The following GALNTL6 variants were observed in gnomAD, a reference collection of about 807,000 sequenced individuals.
GALNTL6 encodes polypeptide N-acetylgalactosaminyltransferase like 6, also known as polypeptide N-acetylgalactosaminyltransferase-like 6.
In GALNTL6, 46 loss-of-function variants were observed where a neutral mutation model predicts 73.7. The observed-to-expected ratio is 0.62, with a 90% confidence interval of 0.49 to 0.80. GALNTL6 has a LOEUF of 0.80. GALNTL6 is among the 30% of genes least tolerant of loss of function. The probability of loss-of-function intolerance (pLI) is 0.00; values close to 1 mark genes in which losing one functional copy is unlikely to be tolerated. For synonymous variants in GALNTL6, 259 were observed against 263.7 expected, an observed-to-expected ratio of 0.98 and a Z score of 0.17; for missense variants, 604 against 755.0, an observed-to-expected ratio of 0.80 and a Z score of 2.34.
At chr4:172,393,781 A>G (rs1433873128) in intron 5 of GALNTL6, among the ~76,000 whole-genome samples, 1 of 152,142 alleles carries the variant, frequency 6.6e-6, no homozygotes, top group African/African-American at 2.4e-5. Context: ...TTACTTCTGT[A>G]ATGTCTTAAT....
chr4:172,483,223 CAA>C (rs1733554465), intron 5 of GALNTL6, among the ~76,000 whole-genome samples: 1 of 151,940 alleles, frequency 6.6e-6, no homozygotes, highest in African/African-American at 2.4e-5. Context: ...ATAGAGGTTT[CAA>C]AAGAGGCAGA....
chr4:172,343,377 A>G (rs967552458), intron 4 of GALNTL6, among the ~76,000 whole-genome samples: 12 of 152,186 alleles, frequency 7.9e-5, no homozygotes, highest in African/African-American at 1.9e-4. Flanking sequence ...CCAAATGAAA[A>G]TTAACCTAAA....
At chr4:172,587,381 C>T (rs1380210632) in intron 5 of GALNTL6, among the ~76,000 whole-genome samples, 1 of 152,190 alleles carries the variant, frequency 6.6e-6, no homozygotes, top group Admixed American at 6.5e-5. Flanking sequence ...TTCATTTTGT[C>T]CTATCCTTGC....
intron 5 of GALNTL6, among the ~76,000 whole-genome samples, chr4:172,611,923 G>T (rs530318018): frequency 6.6e-6 from 1 of 152,206 alleles, no homozygotes; most frequent in East Asian, 1.9e-4. Flanking sequence ...TAAAGTGCAT[G>T]TATTTAGGTC....
chr4:172,840,392 T>C (rs1743143887), intron 7 of GALNTL6, among the ~76,000 whole-genome samples: 1 of 152,228 alleles, frequency 6.6e-6, no homozygotes, highest in Non-Finnish European at 1.5e-5. Flanking sequence ...AGCATTCCTC[T>C]TTCCCTTCCG....
chr4:172,387,882 T>A (rs531844001), intron 5 of GALNTL6, among the ~76,000 whole-genome samples: 1 of 152,266 alleles, frequency 6.6e-6, no homozygotes. Flanking sequence ...TTCTGAGACA[T>A]TTTCAAACAA....
At chr4:172,006,493 G>T (rs1178925191) in intron 2 of GALNTL6, among the ~76,000 whole-genome samples, 1 of 152,086 alleles carries the variant, frequency 6.6e-6, no homozygotes. Context: ...CCAAGGTGGT[G>T]GTGCACACCT....
intron 2 of GALNTL6, among the ~76,000 whole-genome samples, chr4:172,136,323 A>G (rs1431685611): frequency 6.6e-6 from 1 of 152,108 alleles, no homozygotes; most frequent in African/African-American, 2.4e-5. Context: ...CAAAAAAAAG[A>G]AAAACCTTAA....
At chr4:172,474,043 T>C (rs1319576092) in intron 5 of GALNTL6, among the ~76,000 whole-genome samples, 2 of 152,144 alleles carry the variant, frequency 1.3e-5, no homozygotes, top group Admixed American at 1.3e-4. Context: ...TCTACCAGTT[T>C]TTCCCCCATC....
In GALNTL6 at chr4:171,904,140, C is replaced by T. The variant is rs544473517; in HGVS notation, c.138+89422C>T. ...TCACCAGCAACAGAACAAAGCTGGA[C>T]GGAGAATGACTTTGACGAGCTGAGA... On this transcript the variant is annotated intron_variant, in intron 2 of 12. Coordinates refer to ENST00000506823, the MANE Select transcript of GALNTL6 (RefSeq NM_001034845.3). Among the ~76,000 whole-genome samples the T allele has an allele frequency of 6.8e-4, 104 of 152,294 alleles. 3 individuals carry two copies. In the East Asian group the frequency reaches 0.019, roughly 28 times the overall value.
At chr4:171,983,459 C>A (rs183288396) in intron 2 of GALNTL6, among the ~76,000 whole-genome samples, 2 of 136,628 alleles carry the variant, frequency 1.5e-5, no homozygotes, top group Non-Finnish European at 3.1e-5. Flanking sequence ...TCAGAGGCAT[C>A]TTGATTTTAT....
At chr4:172,914,575 C>CA (rs1019273048) in intron 8 of GALNTL6, among the ~76,000 whole-genome samples, 1 of 151,540 alleles carries the variant, frequency 6.6e-6, no homozygotes, top group Non-Finnish European at 1.5e-5. Flanking sequence ...AAATGGAAAA[C>CA]AAAAAAAGGC....
chr4:172,705,531 T>C, intron 5 of GALNTL6, among the ~76,000 whole-genome samples: 1 of 152,064 alleles, frequency 6.6e-6, no homozygotes, highest in East Asian at 1.9e-4. Context: ...TACATCTTTT[T>C]ATATTGCCTA....
chr4:172,439,603 T>C (rs1731757227), intron 5 of GALNTL6, among the ~76,000 whole-genome samples: 1 of 151,818 alleles, frequency 6.6e-6, no homozygotes, highest in Non-Finnish European at 1.5e-5. Context: ...TGAAATACCA[T>C]GTAAACTCAA....
At chr4:172,979,726 A>T (rs1750987620) in intron 10 of GALNTL6, among the ~76,000 whole-genome samples, 1 of 152,208 alleles carries the variant, frequency 6.6e-6, no homozygotes. Context: ...GACACCTACC[A>T]CTGGAAAGCT....
intron 2 of GALNTL6, among the ~76,000 whole-genome samples, chr4:172,181,493 A>G (rs968117207): frequency 2.6e-5 from 4 of 152,184 alleles, no homozygotes; most frequent in African/African-American, 7.2e-5. Flanking sequence ...CCAATATCAT[A>G]CTGAAGGGGC....
intron 9 of GALNTL6, among the ~76,000 whole-genome samples, chr4:172,943,237 G>C (rs745798575): frequency 6.6e-6 from 1 of 151,944 alleles, no homozygotes; most frequent in South Asian, 2.1e-4. Flanking sequence ...GGCCCATGTC[G>C]CAGAAAGCAA....
Position 172,557,167 on chromosome 4 carries a change from T to C in GALNTL6, c.553+208478T>C, listed in dbSNP as rs139259041. Among the ~76,000 whole-genome samples the C allele has an allele frequency of 3.3e-5, 5 of 152,202 alleles. No individual in the cohort carries two copies. In the East Asian group the frequency reaches 5.8e-4, roughly 18 times the overall value. Reference sequence around the variant, plus strand: ...CTATCTTAGGAGTTGTAAGGAAAAATTGCATGAGTTCAAGTTCTGGTCAAG... The same window carrying C: ...CTATCTTAGGAGTTGTAAGGAAAAACTGCATGAGTTCAAGTTCTGGTCAAG... On this transcript the variant is annotated intron_variant, in intron 5 of 12. Transcript: ENST00000506823.
chr4:172,080,709 TCTA>T (rs1346446561), intron 2 of GALNTL6, among the ~76,000 whole-genome samples: 2 of 151,840 alleles, frequency 1.3e-5, no homozygotes, highest in Non-Finnish European at 2.9e-5. Flanking sequence ...TTTTGAATTT[TCTA>T]CTGTGTTTCA....
Sources: allele counts gnomAD v4.1 joint callset (sites outside exome capture counted in the v4.1 genomes callset), GRCh38; gene constraint gnomAD v4.1.1; transcripts MANE v1.5; gene names NCBI Gene and HGNC (gene_info 2026-07-23, HGNC 2026-07-21).